Variants in DSCAM observed in about 807,000 individuals in gnomAD.
The protein encoded by DSCAM is DS cell adhesion molecule.
Under a neutral mutation model 217.7 loss-of-function variants are expected in DSCAM, and 47 were observed. The ratio of observed to expected loss-of-function variants is 0.22; its 90% CI spans 0.17 to 0.28. The LOEUF is 0.28. Among genes scored for constraint, DSCAM ranks in the 10% least tolerant of loss-of-function variants. The probability of loss-of-function intolerance (pLI) is 1.00; values close to 1 mark genes in which losing one functional copy is unlikely to be tolerated. For missense variants in DSCAM, 2,080 were observed against 2,618.3 expected (o/e 0.79, Z 4.49); for synonymous variants, 1,056 against 1,015.3 (o/e 1.04, Z -0.76).
chr21:40,310,278 T>C (rs910100789), intron 9 of DSCAM, among the ~76,000 whole-genome samples: 1 of 151,902 alleles, frequency 6.6e-6, no homozygotes, highest in African/African-American at 2.4e-5. Context: ...TTGGTGTAGA[T>C]TGGGACCAAA....
intron 1 of DSCAM, among the ~76,000 whole-genome samples, chr21:40,735,591 T>G (rs554452759): frequency 2.2e-4 from 33 of 152,306 alleles, no homozygotes; most frequent in African/African-American, 7.2e-4. Flanking sequence ...AGATTTGAAA[T>G]GTCATTGCAT....
chr21:40,717,063 G>A (rs1001277608), intron 1 of DSCAM, among the ~76,000 whole-genome samples: 24 of 152,332 alleles, frequency 1.6e-4, no homozygotes, highest in African/African-American at 5.3e-4. Context: ...CCAGTCAGGA[G>A]AGAAATAAAA....
intron 4 of DSCAM, among the ~76,000 whole-genome samples, chr21:40,356,392 T>TAC (rs2074693569): frequency 6.6e-6 from 1 of 150,970 alleles, no homozygotes; most frequent in Middle Eastern, 3.5e-3. Flanking sequence ...GATAGTGATA[T>TAC]ATATATATAT....
At chr21:40,492,658 A>G (rs1307927371) in intron 3 of DSCAM, among the ~76,000 whole-genome samples, 1 of 147,834 alleles carries the variant, frequency 6.8e-6, no homozygotes, top group African/African-American at 2.6e-5. Flanking sequence ...CTGTGAACTT[A>G]AAGAAGAAAT....
intron 8 of DSCAM, among the ~76,000 whole-genome samples, chr21:40,321,180 C>T (rs928472706): frequency 1.3e-5 from 2 of 152,198 alleles, no homozygotes; most frequent in African/African-American, 2.4e-5. Flanking sequence ...TCTTCCTTCT[C>T]TCTCCCTGAT....
At chr21:40,348,302 C>T (rs1397785247) in intron 5 of DSCAM, among the ~76,000 whole-genome samples, 3 of 134,114 alleles carry the variant, frequency 2.2e-5, no homozygotes, top group African/African-American at 8.4e-5. Context: ...GAGTTCCTAT[C>T]AGCCACATTA....
chr21:40,737,109 GACAA>G (rs969943827), intron 1 of DSCAM, among the ~76,000 whole-genome samples: 1 of 152,182 alleles, frequency 6.6e-6, no homozygotes, highest in African/African-American at 2.4e-5. Context: ...TAGGACAATA[GACAA>G]TATTTTCCTT....
intron 16 of DSCAM, among the ~76,000 whole-genome samples, chr21:40,147,235 C>G (rs1009526413): frequency 1.3e-5 from 2 of 152,280 alleles, no homozygotes; most frequent in African/African-American, 4.8e-5. Flanking sequence ...AAAGTGTTTT[C>G]ATAGAGCCAC....
At chr21:40,709,263 C>G (rs2090751160) in intron 1 of DSCAM, among the ~76,000 whole-genome samples, 1 of 152,182 alleles carries the variant, frequency 6.6e-6, no homozygotes, top group African/African-American at 2.4e-5. Flanking sequence ...AAATTGCTCT[C>G]TTTACTAGCT....
intron 18 of DSCAM, among the ~76,000 whole-genome samples, chr21:40,138,366 G>GTGTGTTACATGTGTTGTGTGA (rs1568961063): frequency 1.3e-5 from 2 of 150,592 alleles, no homozygotes; most frequent in Non-Finnish European, 3.0e-5. Flanking sequence ...GTAGCATGGG[G>GTGTGTTACATGTGTTGTGTGA]TGTGTTACAT....
chr21:40,703,189 TCTG>T (rs1165249199), intron 2 of DSCAM, among the ~76,000 whole-genome samples: 1 of 152,190 alleles, frequency 6.6e-6, no homozygotes, highest in Non-Finnish European at 1.5e-5. Context: ...TGATAAATTT[TCTG>T]CTATTTTGTG....
intron 3 of DSCAM, among the ~76,000 whole-genome samples, chr21:40,595,329 G>A (rs985519724): frequency 2.0e-5 from 3 of 151,290 alleles, no homozygotes; most frequent in African/African-American, 7.3e-5. Flanking sequence ...AGTGAGCCCT[G>A]ATCACACCAC....
At chr21:40,635,404 T>C (rs2089744219) in intron 3 of DSCAM, among the ~76,000 whole-genome samples, 1 of 152,048 alleles carries the variant, frequency 6.6e-6, no homozygotes, top group South Asian at 2.1e-4. Flanking sequence ...CAGCTGCAAA[T>C]TGCTACCGAG....
chr21:40,154,110 G>A (rs1014095971), intron 16 of DSCAM, among the ~76,000 whole-genome samples: 1 of 152,018 alleles, frequency 6.6e-6, no homozygotes, highest in East Asian at 1.9e-4. Context: ...GTCAGGTCGA[G>A]GAGACCTCTT....
chr21:40,036,458 T>TA (rs1388996589), intron 32 of DSCAM, among the ~76,000 whole-genome samples: 1 of 139,724 alleles, frequency 7.2e-6, no homozygotes, highest in African/African-American at 2.9e-5. Flanking sequence ...CTCCCAAGAC[T>TA]AAACCAGGAA....
Position 40,042,475 on chromosome 21 carries a change from C to T in DSCAM, c.5582G>A (p.Ser1861Asn). ...GCAGATTCCCGATTCGGAAGGGGTG[C>T]TGGAGGTCAGACTGTCCGTGTACTC... ...TNEYTDSLTSSTPSESGICRF... is the reference protein window; with the variant it reads ...TNEYTDSLTSNTPSESGICRF... The change falls in exon 32 of 33, where the codon AGC becomes AAC. Residue 1861 changes from serine (S) to asparagine (N), a missense_variant. Coordinates refer to ENST00000400454, the MANE Select transcript of DSCAM (RefSeq NM_001389.5). 6.2e-7 allele frequency: 1 copy of T among 1,614,218 alleles called. No individual in the cohort carries two copies. The highest frequency in any genetic ancestry group is 8.5e-7 in the Non-Finnish European group (1 of 1,180,044).
At chr21:40,254,804 A>C (rs2073349781) in intron 11 of DSCAM, among the ~76,000 whole-genome samples, 1 of 152,102 alleles carries the variant, frequency 6.6e-6, no homozygotes, top group Non-Finnish European at 1.5e-5. Flanking sequence ...CCCTGCCAGA[A>C]GCCAGCCTAA....
rs1466555936 is a variant in DSCAM at position 40,560,278 on chromosome 21, A to G, written c.508+132532T>C. ...ATTAGTTGCCCTGGATGTAGGAGTT[A>G]CCTAGAGAAGCTCAGACAGAGGCTG... On this transcript the variant is annotated intron_variant, in intron 3 of 32. Coordinates refer to ENST00000400454, the MANE Select transcript of DSCAM (RefSeq NM_001389.5). 2.0e-5 allele frequency among the ~76,000 whole-genome samples: 3 copies of G among 152,174 alleles called. No homozygotes were observed. The East Asian group carries it at 5.8e-4, about 29-fold the overall frequency.
intron 3 of DSCAM, among the ~76,000 whole-genome samples, chr21:40,611,098 G>A (rs9980265): frequency 0.096 from 12,949 of 134,652 alleles, 717 homozygotes; most frequent in Admixed American, 0.2. Context: ...TCACCGTGTC[G>A]TCCAGGCTGG....
Sources: allele counts gnomAD v4.1 joint callset (sites outside exome capture counted in the v4.1 genomes callset), GRCh38; gene constraint gnomAD v4.1.1; transcripts MANE v1.5; gene names NCBI Gene and HGNC (gene_info 2026-07-23, HGNC 2026-07-21).